Variants in CCDC7 observed in about 807,000 individuals in gnomAD.
CCDC7 encodes the protein coiled-coil domain-containing protein 7.
In CCDC7, 183 loss-of-function variants were observed where a neutral mutation model predicts 196.9. That is an observed-to-expected ratio of 0.93 (90% CI 0.82 to 1.05). CCDC7 has a LOEUF of 1.05. CCDC7 is among the 50% of genes least tolerant of loss of function. CCDC7 has a pLI of 0.00. For synonymous variants in CCDC7, 525 were observed against 484.6 expected, an observed-to-expected ratio of 1.08 and a Z score of -1.10; for missense variants, 1,540 against 1,482.2, an observed-to-expected ratio of 1.04 and a Z score of -0.64.
chr10:32,515,972 A>G (rs1589419105), intron 9 of CCDC7, among the ~76,000 whole-genome samples: 2 of 152,182 alleles, frequency 1.3e-5, no homozygotes, highest in Non-Finnish European at 2.9e-5. Flanking sequence ...GTGGTTTCTT[A>G]AATATGACAT....
intron 28 of CCDC7, among the ~76,000 whole-genome samples, chr10:32,775,544 G>T (rs1304544873): frequency 6.6e-6 from 1 of 152,078 alleles, no homozygotes. Flanking sequence ...AAGTGATTTG[G>T]TGAGGAATAA....
At chr10:32,599,918 A>G (rs569307802) in intron 18 of CCDC7, among the ~76,000 whole-genome samples, 1 of 152,062 alleles carries the variant, frequency 6.6e-6, no homozygotes, top group Non-Finnish European at 1.5e-5. Context: ...CCTTTAACCA[A>G]TTTATGTTTT....
At position 32,788,979 on chromosome 10, in the gene CCDC7, C is replaced by A. The variant is rs564595876; in HGVS notation, c.3013+9895C>A. ...CTGGTAGACTCAGGCACCAGACCCACCTGCCTTCTCATCCAGCCACTAGGC... is the reference window on the plus strand; with the variant it reads ...CTGGTAGACTCAGGCACCAGACCCAACTGCCTTCTCATCCAGCCACTAGGC... On this transcript the variant is annotated intron_variant, in intron 29 of 41. Transcript: ENST00000639629. Among the ~76,000 whole-genome samples, 8 of 152,326 alleles carry A rather than the reference C, an allele frequency of 5.3e-5. No individual in the cohort carries two copies. In the East Asian group the frequency reaches 1.5e-3, roughly 29 times the overall value.
At chr10:32,752,394 T>A (rs2075799793) in intron 28 of CCDC7, among the ~76,000 whole-genome samples, 1 of 152,134 alleles carries the variant, frequency 6.6e-6, no homozygotes, top group Non-Finnish European at 1.5e-5. Context: ...TTCCCCCAAG[T>A]CTTCAACTGA....
intron 20 of CCDC7, among the ~76,000 whole-genome samples, chr10:32,635,827 T>C (rs1443301484): frequency 2.0e-5 from 3 of 152,088 alleles, no homozygotes; most frequent in Non-Finnish European, 2.9e-5. Context: ...TCAAATTCAG[T>C]CTAATATTTT....
chr10:32,796,327 C>T (rs1268151455), intron 29 of CCDC7, among the ~76,000 whole-genome samples: 1 of 151,848 alleles, frequency 6.6e-6, no homozygotes, highest in Non-Finnish European at 1.5e-5. Context: ...AAATCAGAAG[C>T]TTTCAATACT....
intron 11 of CCDC7, among the ~76,000 whole-genome samples, chr10:32,538,357 C>T (rs547608245): frequency 5.3e-5 from 8 of 152,224 alleles, no homozygotes; most frequent in African/African-American, 9.6e-5. Context: ...ACTTTGCTGA[C>T]GTTGTTCATC....
chr10:32,691,276 G>A (rs570378366), intron 23 of CCDC7, among the ~76,000 whole-genome samples: 2 of 152,210 alleles, frequency 1.3e-5, no homozygotes, highest in African/African-American at 4.8e-5. Context: ...ATTTAGTAGG[G>A]CTATGTGTTG....
intron 25 of CCDC7, among the ~76,000 whole-genome samples, chr10:32,716,532 A>C (rs1422872105): frequency 1.3e-5 from 2 of 152,254 alleles, no homozygotes; most frequent in Non-Finnish European, 2.9e-5. Flanking sequence ...TGACAGGATC[A>C]AATTCACACA....
intron 22 of CCDC7, among the ~76,000 whole-genome samples, chr10:32,882,299 T>C (rs1011446929): frequency 3.9e-5 from 6 of 152,100 alleles, no homozygotes; most frequent in Non-Finnish European, 8.8e-5. Context: ...AGAGGCAGAT[T>C]AAGGACTTAG....
intron 18 of CCDC7, among the ~76,000 whole-genome samples, chr10:32,607,835 A>T (rs931380834): frequency 6.6e-6 from 1 of 152,158 alleles, no homozygotes; most frequent in Admixed American, 6.5e-5. Context: ...CATAAAGTGA[A>T]TTAGGAAGAA....
chr10:32,601,883 A>T (rs1435629361), intron 18 of CCDC7, among the ~76,000 whole-genome samples: 2 of 152,074 alleles, frequency 1.3e-5, no homozygotes, highest in African/African-American at 4.8e-5. Context: ...AAAATGGACC[A>T]ATCAGTGCTC....
intron 32 of CCDC7, among the ~76,000 whole-genome samples, chr10:32,832,418 G>A (rs531834133): frequency 1.1e-4 from 17 of 152,130 alleles, no homozygotes; most frequent in Middle Eastern, 6.8e-3. Flanking sequence ...CAGGAGAATC[G>A]CTTGAACCCG....
At chr10:32,774,273 G>A (rs1202903575) in intron 28 of CCDC7, among the ~76,000 whole-genome samples, 1 of 151,846 alleles carries the variant, frequency 6.6e-6, no homozygotes, top group East Asian at 1.9e-4. Flanking sequence ...GCCAGTCGAT[G>A]CAATTAGAAC....
chr10:32,554,178 T>C (rs1185432558), intron 13 of CCDC7, among the ~76,000 whole-genome samples: 4 of 152,160 alleles, frequency 2.6e-5, no homozygotes, highest in Admixed American at 2.6e-4. Context: ...TCCCCTGCAA[T>C]AGCCCCAAGT....
chr10:32,644,523 G>A (rs1021335283), intron 20 of CCDC7, among the ~76,000 whole-genome samples: 8 of 152,102 alleles, frequency 5.3e-5, no homozygotes, highest in Non-Finnish European at 1.2e-4. Context: ...CAAATGACAG[G>A]GCACCATTTC....
At chr10:32,456,283 T>C (rs2034320979) in exon 3 of CCDC7, 3 of 1,571,294 alleles carry the variant, frequency 1.9e-6, no homozygotes, top group Middle Eastern at 1.7e-4. Flanking sequence ...TCTTGACATA[T>C]TGTTCGCAAT....
At chr10:32,766,789 A>G (rs868483683) in intron 28 of CCDC7, among the ~76,000 whole-genome samples, 33 of 152,054 alleles carry the variant, frequency 2.2e-4, no homozygotes, top group Admixed American at 3.9e-4. Context: ...AAGCACAAGT[A>G]AAATATATGA....
In CCDC7 at chr10:32,457,894, G is replaced by T. The variant is rs561123958; in HGVS notation, c.456+1560G>T. Among the ~76,000 whole-genome samples, 12 of 151,592 alleles carry T rather than the reference G, an allele frequency of 7.9e-5. No homozygotes were observed. The East Asian group carries it at 1.9e-3, about 24-fold the overall frequency. The stretch of plus-strand genomic sequence containing the variant: ...ATCAGTTTTTTTTTGCCATTGAGTT[G>T]TCTGAGTTCCTTATATATTTTGAAT... On this transcript the variant is annotated intron_variant, in intron 3 of 41. Transcript: ENST00000639629.
Sources: gnomAD v4.1 joint callset for allele counts (sites outside exome capture counted in the v4.1 genomes callset) on GRCh38, gnomAD v4.1.1 for gene constraint, MANE v1.5 for transcripts, NCBI Gene and HGNC (gene_info 2026-07-23, HGNC 2026-07-21) for gene names.